VAV2: variants seen among roughly 807,000 people sequenced by gnomAD.
VAV2 encodes vav guanine nucleotide exchange factor 2, also known as guanine nucleotide exchange factor VAV2.
In VAV2, 67 loss-of-function variants were observed where a neutral mutation model predicts 132.5. That is an observed-to-expected ratio of 0.51 (90% CI 0.42 to 0.62). The LOEUF is 0.62. Among genes scored for constraint, VAV2 ranks in the 20% least tolerant of loss-of-function variants. VAV2 has a pLI of 0.00. For missense variants in VAV2, 938 were observed against 1,153.6 expected (o/e 0.81, Z 2.71); for synonymous variants, 492 against 443.5 (o/e 1.11, Z -1.37).
chr9:133,965,634 G>A (rs1289685218), intron 1 of VAV2, among the ~76,000 whole-genome samples: 1 of 151,540 alleles, frequency 6.6e-6, no homozygotes, highest in Non-Finnish European at 1.5e-5. Context: ...AAAAATTCAA[G>A]CAGTCACCAA....
At chr9:133,933,373 G>A (rs1245485845) in intron 2 of VAV2, among the ~76,000 whole-genome samples, 3 of 152,194 alleles carry the variant, frequency 2.0e-5, no homozygotes, top group Non-Finnish European at 2.9e-5. Flanking sequence ...CTAAATACGT[G>A]GTAAATTATA....
chr9:133,857,217 G>C lies in VAV2; in HGVS notation c.380+4157C>G, dbSNP rs1418553803. ...CAAATTAGGGCACCCCCAATCTGGA[G>C]GGCTAGCTCTGGCCACAGCAAGACC... On this transcript the variant is annotated intron_variant, in intron 3 of 29. Coordinates refer to ENST00000371850, the MANE Select transcript of VAV2 (RefSeq NM_001134398.2). The surrounding 1 kb of genome is among the most constrained non-coding windows in gnomAD (Gnocchi z 4.0). Among the ~76,000 whole-genome samples the C allele has an allele frequency of 1.3e-5, 2 of 152,286 alleles. No homozygotes were observed. The highest frequency in any genetic ancestry group is 2.1e-4 in the South Asian group (1 of 4,826).
chr9:133,989,888 G>A (rs891134776), intron 1 of VAV2, among the ~76,000 whole-genome samples: 2 of 152,238 alleles, frequency 1.3e-5, no homozygotes, highest in Non-Finnish European at 2.9e-5. Flanking sequence ...CCGTACAAAG[G>A]TGGCCCACCC....
intron 4 of VAV2, among the ~76,000 whole-genome samples, chr9:133,817,995 A>G (rs1247716904): frequency 6.6e-6 from 1 of 152,126 alleles, no homozygotes; most frequent in African/African-American, 2.4e-5. Flanking sequence ...TTTGAATCAG[A>G]AGACCAAGTA....
chr9:133,907,149 G>A (rs1374998539), intron 2 of VAV2, among the ~76,000 whole-genome samples: 3 of 152,204 alleles, frequency 2.0e-5, no homozygotes, highest in South Asian at 2.1e-4. Context: ...GAGCAGTGAC[G>A]ACAGGGAGAT....
rs937541443 is a variant in VAV2, at chr9:133,802,099, AG to A, written c.836+3981del. Among the ~76,000 whole-genome samples, 7 of 152,144 alleles carry A rather than the reference AG, an allele frequency of 4.6e-5. No individual in the cohort carries two copies. The highest frequency in any genetic ancestry group is 1.7e-4 in the African/African-American group (7 of 41,434). Reference sequence around the variant, plus strand: ...AGGCAGCATGGGCCACAGAGTCCCCAGGGGGCACAGTTTGACTTTTCCCCGA... The same window carrying A: ...AGGCAGCATGGGCCACAGAGTCCCCAGGGGCACAGTTTGACTTTTCCCCGA... On this transcript the variant is annotated intron_variant, in intron 9 of 29. Coordinates refer to ENST00000371850, the MANE Select transcript of VAV2 (RefSeq NM_001134398.2). This position sits in a 1 kb window ranked among gnomAD's most constrained non-coding sequence, Gnocchi z 5.8.
chr9:133,860,694 C>T (rs965866806), intron 3 of VAV2, among the ~76,000 whole-genome samples: 1 of 152,152 alleles, frequency 6.6e-6, no homozygotes, highest in African/African-American at 2.4e-5. Context: ...CCCTGTCCTC[C>T]CAAGGGTCTC....
At chr9:133,805,761 G>T (rs1588200879) in intron 9 of VAV2, among the ~76,000 whole-genome samples, 1 of 152,330 alleles carries the variant, frequency 6.6e-6, no homozygotes, top group East Asian at 1.9e-4. Flanking sequence ...GTGCAGAAGG[G>T]AGAAGTGGGG....
At chr9:133,837,515 G>A (rs1487270885) in intron 3 of VAV2, among the ~76,000 whole-genome samples, 4 of 152,022 alleles carry the variant, frequency 2.6e-5, no homozygotes, top group South Asian at 2.1e-4. Flanking sequence ...TGACCAATAC[G>A]GTGAAACCCC....
In VAV2 at chr9:133,766,902, G is replaced by A. The variant is rs878862215; in HGVS notation, c.2589+1540C>T. ...AGGAAAATGGATGCAATCAAAAGTC[G>A]CAAGGTCCTTCCTTGCATTGTCTGG... On this transcript the variant is annotated intron_variant, in intron 29 of 29. Transcript: ENST00000371850. Among the ~76,000 whole-genome samples, 8 of 150,760 alleles carry A rather than the reference G, an allele frequency of 5.3e-5. 1 individual carries two copies. Among genetic ancestry groups the A allele is most frequent in the Non-Finnish European group, 1.5e-5 (1 of 67,872 alleles).
chr9:133,777,567 G>A (rs2131585006), intron 22 of VAV2, 104 bp from the exon 23 acceptor site: 1 of 1,158,758 alleles, frequency 8.6e-7, no homozygotes. Context: ...GCTCCTGGAG[G>A]GTGGGAGAGC....
At chr9:133,971,839 C>T (rs1199125494) in intron 1 of VAV2, among the ~76,000 whole-genome samples, 1 of 152,188 alleles carries the variant, frequency 6.6e-6, no homozygotes, top group Non-Finnish European at 1.5e-5. Context: ...GAAAGGGCAA[C>T]TCCTGGTCCA....
intron 22 of VAV2, 80 bp from the exon 23 acceptor site, chr9:133,777,543 C>T (rs1168779975): frequency 9.5e-6 from 13 of 1,369,554 alleles, no homozygotes; most frequent in Admixed American, 1.8e-5. Context: ...ACGGACTCAG[C>T]GTATGCCAAT....
At chr9:133,874,898 T>G in intron 2 of VAV2, among the ~76,000 whole-genome samples, 1 of 152,130 alleles carries the variant, frequency 6.6e-6, no homozygotes, top group African/African-American at 2.4e-5. Flanking sequence ...CTGTGCATGG[T>G]CCGAGCTGCA....
intron 4 of VAV2, among the ~76,000 whole-genome samples, chr9:133,831,097 G>T (rs1406109101): frequency 6.6e-6 from 1 of 152,132 alleles, no homozygotes; most frequent in African/African-American, 2.4e-5. Context: ...CTTGCATTTT[G>T]GTTCAAGAGA....
In VAV2 at chr9:133,936,945, G is replaced by C. The variant is rs1436061116; in HGVS notation, c.321+2158C>G. On this transcript the variant is annotated intron_variant, in intron 2 of 29. Transcript: ENST00000371850. Reference sequence around the variant, plus strand: ...ACTGGAAACCATGGACGATGACAAGGGCTGCCCATTTGCAAACTGCTTGGC... The same window carrying C: ...ACTGGAAACCATGGACGATGACAAGCGCTGCCCATTTGCAAACTGCTTGGC... Among the ~76,000 whole-genome samples the C allele has an allele frequency of 2.0e-5, 3 of 152,208 alleles. 1 individual carries two copies. The highest frequency in any genetic ancestry group is 7.2e-5 in the African/African-American group (3 of 41,448).
chr9:133,773,571 A>T (rs1263319908), intron 25 of VAV2, among the ~76,000 whole-genome samples: 1 of 152,218 alleles, frequency 6.6e-6, no homozygotes, highest in African/African-American at 2.4e-5. Flanking sequence ...TACTTAGCTT[A>T]AAACACAAAC....
At position 133,991,668 on chromosome 9, in the gene VAV2, C is replaced by T. The variant is rs1297272912; in HGVS notation, c.204+407G>A. On this transcript the variant is annotated intron_variant, in intron 1 of 29. Coordinates refer to ENST00000371850, the MANE Select transcript of VAV2 (RefSeq NM_001134398.2). This position sits in a 1 kb window ranked among gnomAD's most constrained non-coding sequence, Gnocchi z 4.8. The stretch of plus-strand genomic sequence containing the variant: ...ACCGCGCCCGCTCTTCCACCGGCGT[C>T]CGGCCAGGAGGCGCGAGGCCCAAGG... Among the ~76,000 whole-genome samples the T allele has an allele frequency of 1.3e-5, 2 of 151,388 alleles. No individual in the cohort carries two copies. Among genetic ancestry groups the T allele is most frequent in the Non-Finnish European group, 3.0e-5 (2 of 67,782 alleles).
In VAV2 at chr9:133,823,786, C is replaced by T. The variant is rs569528227; in HGVS notation, c.449+10486G>A. ...AATGAGACCAGAGAGTTGCTGTGAC[C>T]GAATCAGTCCTGAAAGCACTCGAGT... On this transcript the variant is annotated intron_variant, in intron 4 of 29. Coordinates refer to ENST00000371850, the MANE Select transcript of VAV2 (RefSeq NM_001134398.2). This position sits in a 1 kb window ranked among gnomAD's most constrained non-coding sequence, Gnocchi z 5.5. Among the ~76,000 whole-genome samples, 5 of 152,252 alleles carry T rather than the reference C, an allele frequency of 3.3e-5. No individual in the cohort carries two copies. Among genetic ancestry groups the T allele is most frequent in the East Asian group, 1.9e-4 (1 of 5,178 alleles).
Sources: allele counts gnomAD v4.1 joint callset (sites outside exome capture counted in the v4.1 genomes callset), GRCh38; gene constraint gnomAD v4.1.1; non-coding constraint Gnocchi (gnomAD v3.1); transcripts MANE v1.5; gene names NCBI Gene and HGNC (gene_info 2026-07-23, HGNC 2026-07-21).